Variants in ERC2 observed in about 807,000 individuals in gnomAD.
ERC2 encodes ELKS/RAB6-interacting/CAST family member 2.
A neutral mutation model predicts 114.8 loss-of-function variants in ERC2; 42 were observed. The observed-to-expected ratio is 0.37, with a 90% CI of 0.29 to 0.47. The LOEUF is 0.47. ERC2 is among the 20% of genes least tolerant of loss of function. The probability of loss-of-function intolerance (pLI) is 0.99; values close to 1 mark genes in which losing one functional copy is unlikely to be tolerated. For missense variants in ERC2, 939 were observed against 1,150.7 expected (o/e 0.82, Z 2.66); for synonymous variants, 454 against 425.5 (o/e 1.07, Z -0.82).
At chr3:56,466,646 C>T (rs2063555800) in intron 1 of ERC2, among the ~76,000 whole-genome samples, 1 of 152,216 alleles carries the variant, frequency 6.6e-6, no homozygotes, top group South Asian at 2.1e-4. Flanking sequence ...AACAAGGCAG[C>T]CCTCACTTCC....
At chr3:55,704,724 G>T (rs2063393801) in intron 15 of ERC2, among the ~76,000 whole-genome samples, 1 of 152,224 alleles carries the variant, frequency 6.6e-6, no homozygotes, top group Non-Finnish European at 1.5e-5. Flanking sequence ...TGAAGTCAGA[G>T]GATGCAGAAG....
At chr3:56,214,797 G>A (rs529536180) in intron 3 of ERC2, among the ~76,000 whole-genome samples, 15 of 118,254 alleles carry the variant, frequency 1.3e-4, no homozygotes, top group African/African-American at 2.5e-4. Context: ...CTGAGCTCTC[G>A]GCAGAAACTC....
chr3:56,186,336 A>G (rs1400493493), intron 3 of ERC2, among the ~76,000 whole-genome samples: 1 of 151,416 alleles, frequency 6.6e-6, no homozygotes, highest in Non-Finnish European at 1.5e-5. Context: ...TCTCCTTTGC[A>G]CTCCTCTGTT....
At chr3:56,272,935 G>A (rs1411732223) in intron 3 of ERC2, among the ~76,000 whole-genome samples, 2 of 152,182 alleles carry the variant, frequency 1.3e-5, no homozygotes, top group African/African-American at 4.8e-5. Flanking sequence ...TACATTAGAT[G>A]TAGTCTCACG....
chr3:56,056,408 G>T (rs952180094), intron 7 of ERC2, among the ~76,000 whole-genome samples: 23 of 152,254 alleles, frequency 1.5e-4, no homozygotes, highest in African/African-American at 2.2e-4. Flanking sequence ...CAGTGCCCCA[G>T]ATAAGAAAGG....
intron 10 of ERC2, among the ~76,000 whole-genome samples, chr3:56,001,060 C>A (rs2072014818): frequency 6.7e-6 from 1 of 149,972 alleles, no homozygotes; most frequent in South Asian, 2.1e-4. Context: ...CAAATAAACA[C>A]TTTGAAGTAG....
chr3:56,172,691 C>T (rs974203294), intron 4 of ERC2, among the ~76,000 whole-genome samples: 1 of 152,120 alleles, frequency 6.6e-6, no homozygotes, highest in African/African-American at 2.4e-5. Context: ...GAGATAAATA[C>T]TTTACTATTT....
chr3:56,011,638 T>C (rs73831855), intron 8 of ERC2, among the ~76,000 whole-genome samples: 30 of 136,678 alleles, frequency 2.2e-4, no homozygotes, highest in African/African-American at 6.5e-4. Context: ...CACACACACA[T>C]GCACACGAAA....
intron 9 of ERC2, among the ~76,000 whole-genome samples, chr3:56,007,807 A>G (rs2072616694): frequency 6.6e-6 from 1 of 152,174 alleles, no homozygotes; most frequent in African/African-American, 2.4e-5. Context: ...ATAAATGATC[A>G]ATGGTTTTAC....
At chr3:56,391,020 T>A (rs751833900) in intron 2 of ERC2, among the ~76,000 whole-genome samples, 10 of 152,210 alleles carry the variant, frequency 6.6e-5, no homozygotes, top group Non-Finnish European at 1.3e-4. Context: ...CTTTAGTTTC[T>A]TCGTCAGTTT....
chr3:56,366,636 C>A (rs1051113775), intron 2 of ERC2, among the ~76,000 whole-genome samples: 6 of 152,222 alleles, frequency 3.9e-5, no homozygotes, highest in Admixed American at 2.0e-4. Flanking sequence ...TTGGAGGAAT[C>A]AAGCCATTCC....
intron 13 of ERC2, among the ~76,000 whole-genome samples, chr3:55,944,776 T>A (rs1369232241): frequency 6.6e-6 from 1 of 152,226 alleles, no homozygotes; most frequent in South Asian, 2.1e-4. Context: ...AGTCGTTTTT[T>A]TGGCTCGCGG....
At chr3:55,974,308 T>C (rs1399696481) in intron 12 of ERC2, among the ~76,000 whole-genome samples, 2 of 152,190 alleles carry the variant, frequency 1.3e-5, no homozygotes, top group African/African-American at 4.8e-5. Context: ...TCAGTCCTTG[T>C]CTTCGTTATG....
At chr3:55,908,162 C>T (rs2064575296) in intron 13 of ERC2, among the ~76,000 whole-genome samples, 1 of 152,160 alleles carries the variant, frequency 6.6e-6, no homozygotes, top group African/African-American at 2.4e-5. Flanking sequence ...CATGCAGGTT[C>T]TACATGGCCA....
intron 2 of ERC2, among the ~76,000 whole-genome samples, chr3:56,314,411 C>G (rs911900936): frequency 2.1e-5 from 3 of 139,650 alleles, no homozygotes; most frequent in Non-Finnish European, 4.5e-5. Flanking sequence ...AGGAAGCCAT[C>G]ATTTTCAAGC....
Position 55,514,659 on chromosome 3 carries a change from A to T in ERC2, c.*40-3383T>A, listed in dbSNP as rs533319998. Reference sequence around the variant, plus strand: ...TGAGAATGTCACCCAGGTGACTGTCAGCAAGGGAACAGGGACCACAGACCT... The same window carrying T: ...TGAGAATGTCACCCAGGTGACTGTCTGCAAGGGAACAGGGACCACAGACCT... On this transcript the variant is annotated intron_variant, in intron 17 of 17. Transcript: ENST00000288221. Among the ~76,000 whole-genome samples the T allele has an allele frequency of 2.0e-5, 3 of 152,322 alleles. No homozygotes were observed. The South Asian group carries it at 6.2e-4, about 32-fold the overall frequency.
At chr3:56,025,560 A>G (rs1451107756) in intron 7 of ERC2, among the ~76,000 whole-genome samples, 1 of 152,138 alleles carries the variant, frequency 6.6e-6, no homozygotes, top group African/African-American at 2.4e-5. Context: ...CTCCCTCTTT[A>G]AAACCAGCAA....
intron 17 of ERC2, among the ~76,000 whole-genome samples, chr3:55,638,019 G>C (rs1195174093): frequency 6.6e-6 from 1 of 152,060 alleles, no homozygotes; most frequent in Admixed American, 6.5e-5. Context: ...ATTCTGTTAG[G>C]CTCTTAAGCC....
chr3:56,082,829 C>T (rs1448057373), intron 6 of ERC2, among the ~76,000 whole-genome samples: 1 of 152,122 alleles, frequency 6.6e-6, no homozygotes, highest in African/African-American at 2.4e-5. Flanking sequence ...AGCTCCACCT[C>T]CTGCCAGATC....
Sources: allele counts gnomAD v4.1 joint callset (sites outside exome capture counted in the v4.1 genomes callset), GRCh38; gene constraint gnomAD v4.1.1; transcripts MANE v1.5; gene names NCBI Gene and HGNC (gene_info 2026-07-23, HGNC 2026-07-21).